Variants in NCOA1 observed in about 807,000 individuals in gnomAD.
NCOA1 encodes the protein nuclear receptor coactivator 1.
A neutral mutation model predicts 150.9 loss-of-function variants in NCOA1; 35 were observed. The observed-to-expected ratio is 0.23, with a 90% CI of 0.18 to 0.31. NCOA1 has a LOEUF of 0.31. NCOA1 is among the 10% of genes least tolerant of loss of function. NCOA1 has a pLI of 1.00. For synonymous variants in NCOA1, 590 were observed against 630.0 expected (o/e 0.94, Z 0.95); for missense variants, 1,491 against 1,749.3 (o/e 0.85, Z 2.63).
At chr2:24,529,080 G>A (rs1237179205) in intron 1 of NCOA1, among the ~76,000 whole-genome samples, 2 of 152,118 alleles carry the variant, frequency 1.3e-5, no homozygotes, top group East Asian at 1.9e-4. Flanking sequence ...TAGAGACGGG[G>A]TTTCACCATG....
At chr2:24,706,367 AT>A (rs1673425262) in intron 12 of NCOA1, among the ~76,000 whole-genome samples, 200 bp from the exon 13 acceptor site, 2 of 152,232 alleles carry the variant, frequency 1.3e-5, no homozygotes, top group South Asian at 4.1e-4. Flanking sequence ...ATTATTTCTT[AT>A]TAAGTGGTGC....
At chr2:24,664,667 C>T (rs1671332447) in intron 5 of NCOA1, among the ~76,000 whole-genome samples, 1 of 151,792 alleles carries the variant, frequency 6.6e-6, no homozygotes, top group South Asian at 2.1e-4. Context: ...GAGATTGCGC[C>T]ACTGCACTGC....
At chr2:24,603,558 A>G (rs1668223657) in intron 3 of NCOA1, among the ~76,000 whole-genome samples, 1 of 152,248 alleles carries the variant, frequency 6.6e-6, no homozygotes, top group African/African-American at 2.4e-5. Context: ...CAATGTTCAC[A>G]CAGTATCTTC....
At chr2:24,571,068 G>A (rs539451705) in intron 2 of NCOA1, among the ~76,000 whole-genome samples, 1 of 152,096 alleles carries the variant, frequency 6.6e-6, no homozygotes, top group Non-Finnish European at 1.5e-5. Context: ...ACCTTTTAGC[G>A]ATACATAATG....
chr2:24,711,221 T>C, intron 14 of NCOA1, 110 bp downstream of exon 14: 1 of 1,018,980 alleles, frequency 9.8e-7, no homozygotes, highest in Non-Finnish European at 1.4e-6. Context: ...GAAATATCTT[T>C]TTATTAATGC....
chr2:24,492,094 C>CGCG (rs1200736081), intron 1 of NCOA1: 1 of 152,140 alleles, frequency 6.6e-6, no homozygotes, highest in East Asian at 1.9e-4. Flanking sequence ...TGGGGGCGAC[C>CGCG]GCGGCGTCCC....
At position 24,626,855 on chromosome 2, in the gene NCOA1, A is replaced by G. The variant is rs191603651; in HGVS notation, c.-174-17111A>G. Among the ~76,000 whole-genome samples the G allele has an allele frequency of 1.9e-3, 287 of 152,226 alleles. 1 individual carries two copies. The highest frequency in any genetic ancestry group is 6.9e-3 in the African/African-American group (285 of 41,550). On this transcript the variant is annotated intron_variant, in intron 3 of 22. Coordinates refer to ENST00000348332, the MANE Select transcript of NCOA1 (RefSeq NM_003743.5). ...ATCACTATTCTAAAGTATCTCTCCT[A>G]GTCACTCTCTACTTCATTATTCTGT...
chr2:24,687,732 CA>C (rs1672474824), intron 8 of NCOA1, among the ~76,000 whole-genome samples: 1 of 152,112 alleles, frequency 6.6e-6, no homozygotes, highest in Non-Finnish European at 1.5e-5. Flanking sequence ...GAGCTGCCCC[CA>C]TGATCCATTC....
intron 9 of NCOA1, among the ~76,000 whole-genome samples, chr2:24,692,463 TA>T (rs1391192717): frequency 4.6e-5 from 7 of 152,230 alleles, no homozygotes; most frequent in African/African-American, 1.7e-4. Flanking sequence ...TTGTATATCC[TA>T]AAAACATGAA....
At chr2:24,514,464 T>C (rs1012645082) in intron 1 of NCOA1, among the ~76,000 whole-genome samples, 2 of 150,770 alleles carry the variant, frequency 1.3e-5, no homozygotes, top group Non-Finnish European at 2.9e-5. Flanking sequence ...AAAATAAATA[T>C]TATTAAGAGA....
intron 1 of NCOA1, among the ~76,000 whole-genome samples, chr2:24,512,704 A>G (rs1663984412): frequency 6.6e-6 from 1 of 152,138 alleles, no homozygotes; most frequent in South Asian, 2.1e-4. Flanking sequence ...AAGCCATGCT[A>G]TCTTTGGGGC....
intron 10 of NCOA1, among the ~76,000 whole-genome samples, chr2:24,695,670 G>C (rs1049069553): frequency 6.6e-6 from 1 of 152,046 alleles, no homozygotes; most frequent in Non-Finnish European, 1.5e-5. Flanking sequence ...AAAGAAAAAA[G>C]TATTTTACTA....
intron 4 of NCOA1, among the ~76,000 whole-genome samples, chr2:24,647,532 C>G (rs1670528414): frequency 6.6e-6 from 1 of 152,064 alleles, no homozygotes; most frequent in Non-Finnish European, 1.5e-5. Context: ...TGTTAGTATT[C>G]ATTATCATCA....
intron 3 of NCOA1, among the ~76,000 whole-genome samples, chr2:24,622,168 A>G (rs1669197803): frequency 6.6e-6 from 1 of 152,222 alleles, no homozygotes; most frequent in Non-Finnish European, 1.5e-5. Context: ...TTTGACCTAA[A>G]TAAGAACTGT....
chr2:24,554,726 G>C (rs954968700), intron 1 of NCOA1, among the ~76,000 whole-genome samples: 2 of 152,084 alleles, frequency 1.3e-5, no homozygotes, highest in Admixed American at 6.6e-5. Context: ...GTTGGTGCTG[G>C]GGGATTCTCG....
At chr2:24,686,104 C>G (rs1231417327) in intron 8 of NCOA1, among the ~76,000 whole-genome samples, 2 of 152,150 alleles carry the variant, frequency 1.3e-5, no homozygotes, top group Non-Finnish European at 2.9e-5. Context: ...TGGGTTCAAG[C>G]AATTTTCCTG....
chr2:24,552,649 C>G (rs1034457487), intron 1 of NCOA1, among the ~76,000 whole-genome samples: 2 of 151,722 alleles, frequency 1.3e-5, no homozygotes, highest in East Asian at 3.9e-4. Flanking sequence ...AAAGGCGTGA[C>G]CCACCGCTCC....
At chr2:24,697,845 G>T in intron 11 of NCOA1, 47 bp downstream of exon 11, 1 of 1,549,344 alleles carries the variant, frequency 6.5e-7, no homozygotes, top group South Asian at 1.1e-5. Context: ...TATCTTTACT[G>T]ATATTTGAAT....
At chr2:24,685,590 C>A (rs1414738347) in intron 8 of NCOA1, among the ~76,000 whole-genome samples, 1 of 152,164 alleles carries the variant, frequency 6.6e-6, no homozygotes, top group East Asian at 1.9e-4. Flanking sequence ...CATAGCCTTT[C>A]TGGTATAAAA....
Sources: gnomAD v4.1 joint callset for allele counts (sites outside exome capture counted in the v4.1 genomes callset) on GRCh38, gnomAD v4.1.1 for gene constraint, MANE v1.5 for transcripts, NCBI Gene and HGNC (gene_info 2026-07-23, HGNC 2026-07-21) for gene names.